The following MACROH2A2 variants were observed in gnomAD, a reference collection of about 807,000 sequenced individuals.
The protein encoded by MACROH2A2 is macroH2A.2 histone.
MACROH2A2 carries 6 observed loss-of-function variants against 37.6 expected under a neutral mutation model. The observed-to-expected ratio is 0.16, with a 90% CI of 0.09 to 0.32. The LOEUF (loss-of-function observed/expected upper bound fraction) is 0.32, where lower values mean the gene tolerates loss of function less well. Among genes scored for constraint, MACROH2A2 ranks in the 10% least tolerant of loss-of-function variants. The pLI is 1.00. For synonymous variants in MACROH2A2, 192 were observed against 202.7 expected, an observed-to-expected ratio of 0.95 and a Z score of 0.45; for missense variants, 290 against 485.9, an observed-to-expected ratio of 0.60 and a Z score of 3.79.
Position 70,075,670 on chromosome 10 carries a change from G to C in MACROH2A2, c.12G>C (p.Arg4=). The C allele has an allele frequency of 6.2e-7, 1 of 1,614,164 alleles. No individual in the cohort carries two copies. Among genetic ancestry groups the C allele is most frequent in the Non-Finnish European group, 8.5e-7 (1 of 1,180,010 alleles). The part of the protein sequence containing the change: MSG[R]SGKKKMSKLS... ...GAAACTGAAGCAAGATGTCGGGCCGGAGTGGGAAGAAGAAAATGTCCAAGC... is the reference window on the plus strand; with the variant it reads ...GAAACTGAAGCAAGATGTCGGGCCGCAGTGGGAAGAAGAAAATGTCCAAGC... The change falls in exon 2 of 9, where the codon CGG becomes CGC. Residue 4 remains arginine, a synonymous_variant. Transcript: ENST00000373255. This position sits in a 1 kb window ranked among gnomAD's most constrained non-coding sequence, Gnocchi z 5.0.
intron 5 of MACROH2A2, among the ~76,000 whole-genome samples, chr10:70,095,088 G>T (rs181199073): frequency 4.1e-4 from 62 of 152,342 alleles, no homozygotes; most frequent in African/African-American, 1.4e-3. Flanking sequence ...AGGAGAGGGG[G>T]CCAGGCGCGG....
chr10:70,103,074 A>G (rs1288635928), intron 7 of MACROH2A2, among the ~76,000 whole-genome samples: 1 of 152,202 alleles, frequency 6.6e-6, no homozygotes, highest in Non-Finnish European at 1.5e-5. Context: ...CAAGAAGCCA[A>G]AGCTCTCGCC....
At position 70,065,992 on chromosome 10, in the gene MACROH2A2, ATAGT is replaced by A. The variant is rs536267607; in HGVS notation, c.-59-9606_-59-9603del. The stretch of plus-strand genomic sequence containing the variant: ...ATAACCTAAAGATCGTTCAAGTAAG[ATAGT>A]TCTGTTTCTGTAAGAAAACAAAGTT... On this transcript the variant is annotated intron_variant, in intron 1 of 8. Coordinates refer to ENST00000373255, the MANE Select transcript of MACROH2A2 (RefSeq NM_018649.3). 6.1e-4 allele frequency among the ~76,000 whole-genome samples: 93 copies of A among 152,336 alleles called. 3 individuals are homozygous for A. In the South Asian group the frequency reaches 0.018, roughly 30 times the overall value.
chr10:70,111,675 G>C lies in MACROH2A2; in HGVS notation c.1111G>C (p.Ala371Pro). Residue 371 changes from alanine to proline, a missense_variant, in exon 9 of 9, where the codon GCC (alanine) becomes CCC (proline). Coordinates refer to ENST00000373255, the MANE Select transcript of MACROH2A2 (RefSeq NM_018649.3). Reference protein sequence around the residue: ...IYVQEMAKLDAK With the variant: ...IYVQEMAKLDPK ...CGTGCAGGAGATGGCCAAGCTCGAC[G>C]CCAAGTAGCCGCCGCACTTTCCAGC... 1 of 1,604,972 alleles carries C rather than the reference G, an allele frequency of 6.2e-7. No homozygotes were observed.
In MACROH2A2 at chr10:70,107,741, G is replaced by A. The variant is rs1469047835; in HGVS notation, c.779-1292G>A. Among the ~76,000 whole-genome samples, 2 of 152,120 alleles carry A rather than the reference G, an allele frequency of 1.3e-5. No homozygotes were observed. The highest frequency in any genetic ancestry group is 2.9e-5 in the Non-Finnish European group (2 of 68,028). On this transcript the variant is annotated intron_variant, in intron 7 of 8. Coordinates refer to ENST00000373255, the MANE Select transcript of MACROH2A2 (RefSeq NM_018649.3). The surrounding 1 kb of genome is among the most constrained non-coding windows in gnomAD (Gnocchi z 4.4). ...GCTTTTGAAACCCCACTCTCTGCAG[G>A]GCATGTGGAGATCATCAAATGGCAG...
At chr10:70,083,144 G>T (rs569865714) in intron 2 of MACROH2A2, among the ~76,000 whole-genome samples, 1 of 152,102 alleles carries the variant, frequency 6.6e-6, no homozygotes, top group African/African-American at 2.4e-5. Flanking sequence ...CTGAGCCCCC[G>T]GGGTCTCCAG....
intron 5 of MACROH2A2, 49 bp downstream of exon 5, chr10:70,093,894 T>A: frequency 1.1e-6 from 1 of 948,238 alleles, no homozygotes; most frequent in Non-Finnish European, 1.7e-6. Context: ...ACTGTATTTT[T>A]ATAACCTACT....
In MACROH2A2 at chr10:70,109,019, C is replaced by G; in HGVS notation, c.779-14C>G. On this transcript the variant is annotated splice_polypyrimidine_tract_variant and intron_variant, in intron 7 of 8. Transcript: ENST00000373255. ...TAGGAAATAACCCGCGGCATTTTCTCTCCTATGTCCCAGCCGCCGTCAGCC... is the reference window on the plus strand; with the variant it reads ...TAGGAAATAACCCGCGGCATTTTCTGTCCTATGTCCCAGCCGCCGTCAGCC... The G allele has an allele frequency of 6.2e-7, 1 of 1,611,938 alleles. No homozygotes were observed. Among genetic ancestry groups the G allele is most frequent in the Non-Finnish European group, 8.5e-7 (1 of 1,178,150 alleles).
chr10:70,074,877 A>T (rs1418420337), intron 1 of MACROH2A2, among the ~76,000 whole-genome samples: 1 of 152,214 alleles, frequency 6.6e-6, no homozygotes, highest in Non-Finnish European at 1.5e-5. Context: ...GTGAGAACAG[A>T]CTAATACACT....
Position 70,111,792 on chromosome 10 carries a change from G to A in MACROH2A2, c.*109G>A, listed in dbSNP as rs2072377205. The A allele has an allele frequency of 1.2e-5, 11 of 945,356 alleles. No individual in the cohort carries two copies. The highest frequency in any genetic ancestry group is 5.1e-5 in the African/African-American group (3 of 58,854). 58.6% of individuals were successfully genotyped at this position (945,356 alleles called of 1,614,324 possible). A position where few individuals can be genotyped will look rare whatever the true frequency, so the allele number is the denominator to read the frequency against. ...GATGGCAGGGGAGTGGAGGGTGGCC[G>A]GGCAGGTCCTGCCGGCGCAGGGAGC... On this transcript the variant is annotated 3_prime_UTR_variant, in exon 9 of 9. Transcript: ENST00000373255.
intron 2 of MACROH2A2, among the ~76,000 whole-genome samples, chr10:70,089,807 G>A (rs1292994987): frequency 6.6e-6 from 1 of 151,714 alleles, no homozygotes. Context: ...TGCCCAGGCT[G>A]GGGTGCAGTG....
intron 6 of MACROH2A2, among the ~76,000 whole-genome samples, chr10:70,097,468 A>C (rs1388074332): frequency 6.6e-6 from 1 of 152,152 alleles, no homozygotes; most frequent in East Asian, 1.9e-4. Context: ...ACCATCACCC[A>C]AACTAATCAT....
At chr10:70,091,381 C>T (rs78394241) in intron 3 of MACROH2A2, among the ~76,000 whole-genome samples, 3 of 152,184 alleles carry the variant, frequency 2.0e-5, no homozygotes, top group South Asian at 2.1e-4. Context: ...CAGTTAGAAC[C>T]GTATTAAGTC....
intron 1 of MACROH2A2, among the ~76,000 whole-genome samples, chr10:70,056,927 A>G (rs1234317865): frequency 6.6e-6 from 1 of 152,182 alleles, no homozygotes; most frequent in East Asian, 1.9e-4. Context: ...ATGAGTTCCA[A>G]TATAGTATTG....
At chr10:70,078,784 G>C (rs117428470) in intron 2 of MACROH2A2, among the ~76,000 whole-genome samples, 173 of 152,286 alleles carry the variant, frequency 1.1e-3, no homozygotes, top group Non-Finnish European at 2.0e-3. Context: ...TTTAATCCAA[G>C]GGAATGAATC....
intron 1 of MACROH2A2, among the ~76,000 whole-genome samples, chr10:70,067,738 A>G (rs2072086906): frequency 1.3e-5 from 2 of 152,222 alleles, no homozygotes; most frequent in African/African-American, 4.8e-5. Flanking sequence ...GGGCGCTCAT[A>G]TCCTCCTCTC....
rs2072379222 is a variant in MACROH2A2, at chr10:70,111,962, A to G, written c.*279A>G. ...ACCTCGTTTTAGATTTATAGCATTG[A>G]CTTTTACACACATTCACACAAGAAA... On this transcript the variant is annotated 3_prime_UTR_variant, in exon 9 of 9. Coordinates refer to ENST00000373255, the MANE Select transcript of MACROH2A2 (RefSeq NM_018649.3). 3.9e-6 allele frequency: 1 copy of G among 253,814 alleles called. No homozygotes were observed. The highest frequency in any genetic ancestry group is 1.6e-4 in the South Asian group (1 of 6,138). 15.7% of individuals were successfully genotyped at this position (253,814 alleles called of 1,614,324 possible). A position where few individuals can be genotyped will look rare whatever the true frequency, so the allele number is the denominator to read the frequency against.
In MACROH2A2 at chr10:70,112,217, T is replaced by G. The variant is rs1407128303; in HGVS notation, c.*534T>G. On this transcript the variant is annotated 3_prime_UTR_variant, in exon 9 of 9. Transcript: ENST00000373255. ...GATTCAGGCTTTTTTTTGGTTTCAT[T>G]TTGTTTTTTTAAGAAAAAGAAAATG... The G allele has an allele frequency of 6.6e-6, 1 of 151,622 alleles. No homozygotes were observed. The highest frequency in any genetic ancestry group is 1.5e-5 in the Non-Finnish European group (1 of 68,014). 9.4% of individuals were successfully genotyped at this position (151,622 alleles called of 1,614,324 possible). A position where few individuals can be genotyped will look rare whatever the true frequency, so the allele number is the denominator to read the frequency against.
At chr10:70,085,298 A>T (rs1012340973) in intron 2 of MACROH2A2, among the ~76,000 whole-genome samples, 1 of 152,150 alleles carries the variant, frequency 6.6e-6, no homozygotes, top group Non-Finnish European at 1.5e-5. Context: ...TATCTGGGTG[A>T]TATCATGGGA....
Sources: gnomAD v4.1 joint callset for allele counts (sites outside exome capture counted in the v4.1 genomes callset) on GRCh38, gnomAD v4.1.1 for gene constraint, Gnocchi (gnomAD v3.1) non-coding constraint, MANE v1.5 for transcripts, NCBI Gene and HGNC (gene_info 2026-07-23, HGNC 2026-07-21) for gene names.